OTOP3: variants seen among roughly 807,000 people sequenced by gnomAD.
The protein encoded by OTOP3 is otopetrin 3.
OTOP3 carries 41 observed loss-of-function variants against 50.8 expected under a neutral mutation model. The ratio of observed to expected loss-of-function variants is 0.81; its 90% CI spans 0.63 to 1.05. The LOEUF (loss-of-function observed/expected upper bound fraction) is 1.05. Ranked by LOEUF, OTOP3 falls within the 50% of genes least tolerant of loss-of-function variation. The pLI is 0.00. For synonymous variants in OTOP3, 320 were observed against 324.4 expected (o/e 0.99, Z 0.14); for missense variants, 788 against 760.8 (o/e 1.04, Z -0.42).
rs376077842 is a variant in OTOP3 at position 74,941,568 on chromosome 17, C to G, written c.195C>G (p.Ala65=). The stretch of plus-strand genomic sequence containing the variant: ...TGCTGCTGCGGCGGGACCGGCAGGC[C>G]CAGAAGGCTGGACAACTCTTCTCGG... The part of the protein sequence containing the change: ...FSLLLRRDRQ[A]QKAGQLFSGL... Residue 65 remains alanine (A), a synonymous_variant, in exon 2 of 7, where the codon GCC becomes GCG. Coordinates refer to ENST00000328801, the MANE Select transcript of OTOP3 (RefSeq NM_001272005.2). 1 of 1,611,462 alleles carries G rather than the reference C, an allele frequency of 6.2e-7. No homozygotes were observed. The highest frequency in any genetic ancestry group is 2.2e-5 in the East Asian group (1 of 44,854).
At chr17:74,937,313 C>T (rs1044248586) in intron 1 of OTOP3, among the ~76,000 whole-genome samples, 1 of 152,132 alleles carries the variant, frequency 6.6e-6, no homozygotes, top group Non-Finnish European at 1.5e-5. Flanking sequence ...AGCTACTATT[C>T]CATAGTTGTA....
At chr17:74,944,072 G>A (rs984284591) in intron 5 of OTOP3, among the ~76,000 whole-genome samples, 8 of 152,032 alleles carry the variant, frequency 5.3e-5, no homozygotes, top group East Asian at 1.9e-4. Flanking sequence ...ACAGCCTCCC[G>A]GCTGAAAGGA....
chr17:74,943,602 C>A lies in OTOP3; in HGVS notation c.633-4C>A, dbSNP rs1367751743. On this transcript the variant is annotated splice_polypyrimidine_tract_variant and splice_region_variant and intron_variant, in intron 4 of 6. Transcript: ENST00000328801. ...GTGTGAGAAGAGTGTGGCATTTCCC[C>A]CAGGTGTGGCCTGATGCTGACCCTG... is the stretch of plus-strand genomic sequence containing the variant. The A allele has an allele frequency of 6.2e-7, 1 of 1,613,392 alleles. No individual in the cohort carries two copies. Among genetic ancestry groups the A allele is most frequent in the African/African-American group, 1.3e-5 (1 of 74,910 alleles).
intron 1 of OTOP3, among the ~76,000 whole-genome samples, chr17:74,940,460 C>T (rs1408251260): frequency 2.0e-5 from 3 of 152,148 alleles, no homozygotes; most frequent in African/African-American, 7.2e-5. Flanking sequence ...GACCAGCAGT[C>T]CCCAGTCCCC....
chr17:74,949,065 A>C (rs1230764542), intron 6 of OTOP3, among the ~76,000 whole-genome samples, 181 bp from the exon 7 acceptor site: 2 of 152,120 alleles, frequency 1.3e-5, no homozygotes, highest in East Asian at 3.9e-4. Flanking sequence ...CTTCTGCAGT[A>C]GGGCGAGAAA....
At chr17:74,936,480 T>C (rs539562461) in intron 1 of OTOP3, among the ~76,000 whole-genome samples, 17 of 152,130 alleles carry the variant, frequency 1.1e-4, no homozygotes, top group Non-Finnish European at 2.4e-4. Flanking sequence ...TGGACTGGCG[T>C]CGCGCCCAGG....
Position 74,949,844 on chromosome 17 carries a change from TC to T in OTOP3, c.*429del, listed in dbSNP as rs1205661260. 6.3e-6 allele frequency: 1 copy of T among 159,954 alleles called. No homozygotes were observed. The highest frequency in any genetic ancestry group is 1.4e-5 in the Non-Finnish European group (1 of 73,534). 9.9% of individuals were successfully genotyped at this position (159,954 alleles called of 1,614,324 possible). On this transcript the variant is annotated 3_prime_UTR_variant, in exon 7 of 7. Transcript: ENST00000328801. Reference sequence around the variant, plus strand: ...GAAGAGCACCTGGTCCAAGTGTGGCTCTGGACATCCTCAGAGCTCAGAGCTC... The same window carrying T: ...GAAGAGCACCTGGTCCAAGTGTGGCTTGGACATCCTCAGAGCTCAGAGCTC...
intron 5 of OTOP3, among the ~76,000 whole-genome samples, chr17:74,945,706 C>T (rs982345605): frequency 6.6e-6 from 1 of 152,182 alleles, no homozygotes; most frequent in Non-Finnish European, 1.5e-5. Context: ...GTCACAGCCA[C>T]GGGTTTTCCC....
intron 4 of OTOP3, 57 bp downstream of exon 4, chr17:74,943,401 C>T: frequency 2.5e-6 from 4 of 1,580,480 alleles, no homozygotes; most frequent in Non-Finnish European, 3.5e-6. Flanking sequence ...CACCACTTCC[C>T]TGGTCAGGGT....
chr17:74,939,653 T>A (rs2039151535), intron 1 of OTOP3, among the ~76,000 whole-genome samples: 1 of 151,454 alleles, frequency 6.6e-6, no homozygotes, highest in Non-Finnish European at 1.5e-5. Flanking sequence ...TTGGGAGAGG[T>A]GAGGAAATGG....
chr17:74,947,378 G>A lies in OTOP3; in HGVS notation c.1469G>A (p.Arg490Gln), dbSNP rs371245589. ...SLLELGQGLQ[R>Q]ASLAYIHSYS... ...CTGGAGCTGGGCCAGGGCCTGCAGC[G>A]GGCCTCACTGGCCTACATCCACTCC... The change falls in exon 6 of 7, where the codon CGG (arginine) becomes CAG (glutamine). Residue 490 changes from arginine (R) to glutamine (Q), a missense_variant. Coordinates refer to ENST00000328801, the MANE Select transcript of OTOP3 (RefSeq NM_001272005.2). 62 of 1,612,958 alleles carry A rather than the reference G, an allele frequency of 3.8e-5. No individual in the cohort carries two copies. The highest frequency in any genetic ancestry group is 8.9e-5 in the East Asian group (4 of 44,896).
chr17:74,942,449 G>A (rs1350982615), intron 3 of OTOP3, among the ~76,000 whole-genome samples: 1 of 151,966 alleles, frequency 6.6e-6, no homozygotes, highest in Non-Finnish European at 1.5e-5. Flanking sequence ...TGGCCAACAT[G>A]GTAAAACCCT....
Position 74,940,110 on chromosome 17 carries a change from CACACACACACACACACACACACAT to C in OTOP3, c.20-1279_20-1256del, listed in dbSNP as rs1016425275. Among the ~76,000 whole-genome samples, 11 of 142,786 alleles carry C rather than the reference CACACACACACACACACACACACAT, an allele frequency of 7.7e-5. No individual in the cohort carries two copies. The South Asian group carries it at 2.1e-3, about 27-fold the overall frequency. The allele number at this position is 142,786 out of a possible 152,430, so 93.7% of individuals were successfully genotyped here. ...TTATACACACACACACACACACACA[CACACACACACACACACACACACAT>C]ACATATATACATATATGGGGTTTTT... On this transcript the variant is annotated intron_variant, in intron 1 of 6. Transcript: ENST00000328801.
intron 3 of OTOP3, among the ~76,000 whole-genome samples, chr17:74,942,717 G>T (rs1343110869): frequency 6.6e-6 from 1 of 152,034 alleles, no homozygotes; most frequent in African/African-American, 2.4e-5. Flanking sequence ...GGATCACAAG[G>T]TCAGGGGATC....
In OTOP3 at chr17:74,946,776, G is replaced by A. The variant is rs765693481; in HGVS notation, c.867G>A (p.Val289=). 3 of 1,612,824 alleles carry A rather than the reference G, an allele frequency of 1.9e-6. No individual in the cohort carries two copies. Among genetic ancestry groups the A allele is most frequent in the Non-Finnish European group, 2.5e-6 (3 of 1,180,040 alleles). The part of the protein sequence containing the change: ...STEYCLICCA[V]LFVMWKNVGR... Reference sequence around the variant, plus strand: ...AGTACTGCCTCATCTGCTGTGCTGTGCTGTTTGTCATGTGGAAGAACGTGG... The same window carrying A: ...AGTACTGCCTCATCTGCTGTGCTGTACTGTTTGTCATGTGGAAGAACGTGG... The change falls in exon 6 of 7, where the codon GTG becomes GTA. Residue 289 remains valine, a synonymous_variant. Coordinates refer to ENST00000328801, the MANE Select transcript of OTOP3 (RefSeq NM_001272005.2).
chr17:74,936,368 G>C (rs1446910262), intron 1 of OTOP3, among the ~76,000 whole-genome samples: 1 of 152,296 alleles, frequency 6.6e-6, no homozygotes, highest in South Asian at 2.1e-4. Flanking sequence ...CCTCGGAGCC[G>C]GCCCTGCGCT....
In OTOP3 at chr17:74,943,416, G is replaced by A. The variant is rs1271198223; in HGVS notation, c.632+72G>A. On this transcript the variant is annotated intron_variant, in intron 4 of 6. Coordinates refer to ENST00000328801, the MANE Select transcript of OTOP3 (RefSeq NM_001272005.2). ...CACCACTTCCCTGGTCAGGGTGGCC[G>A]CGGGGCTATAGGTTAGTCTGGGATG... The A allele has an allele frequency of 3.9e-5, 60 of 1,538,148 alleles. No individual in the cohort carries two copies. The Admixed American group carries it at 4.8e-4, about 12-fold the overall frequency.
intron 1 of OTOP3, among the ~76,000 whole-genome samples, chr17:74,938,150 G>A (rs2039136982): frequency 6.6e-6 from 1 of 152,134 alleles, no homozygotes; most frequent in Admixed American, 6.5e-5. Flanking sequence ...TTGAAAAGAG[G>A]CTTAAGTTTT....
Position 74,941,473 on chromosome 17 carries a change from G to A in OTOP3, c.100G>A (p.Val34Met), listed in dbSNP as rs368155559. 5.2e-5 allele frequency: 84 copies of A among 1,608,252 alleles called. No homozygotes were observed. In the Admixed American group the frequency reaches 6.6e-4, roughly 13 times the overall value. ...CCCGGAGAAGGAGAACCGAGTGGAT[G>A]TGGGGGCCGAGGAGAGAGCGGCCGC... ...AAPEKENRVD[V>M]GAEERAAATR... Residue 34 changes from valine (V) to methionine (M), a missense_variant, in exon 2 of 7, where the codon GTG (valine) becomes ATG (methionine). Transcript: ENST00000328801.
Sources: allele counts gnomAD v4.1 joint callset (sites outside exome capture counted in the v4.1 genomes callset), GRCh38; gene constraint gnomAD v4.1.1; transcripts MANE v1.5; gene names NCBI Gene and HGNC (gene_info 2026-07-23, HGNC 2026-07-21).